The following TRIM37 variants were observed in gnomAD, a reference collection of about 807,000 sequenced individuals.
TRIM37 encodes tripartite motif containing 37.
In TRIM37, 80 loss-of-function variants were observed where a neutral mutation model predicts 129.8. That is an observed-to-expected ratio of 0.62 (90% confidence interval 0.51 to 0.74). TRIM37 has a LOEUF of 0.74. TRIM37 is among the 30% of genes least tolerant of loss of function. TRIM37 has a pLI of 0.00. For missense variants in TRIM37, 1,054 were observed against 1,176.5 expected (o/e 0.90, Z 1.52); for synonymous variants, 389 against 387.1 (o/e 1.00, Z -0.06).
At chr17:58,985,869 A>AG (rs772727729) in intron 24 of TRIM37, among the ~76,000 whole-genome samples, 22 of 152,254 alleles carry the variant, frequency 1.4e-4, no homozygotes, top group Middle Eastern at 6.8e-3. Flanking sequence ...TGAACAATTG[A>AG]GAAAAAAAAG....
chr17:59,001,301 G>A (rs1389851933), intron 23 of TRIM37, among the ~76,000 whole-genome samples: 2 of 151,708 alleles, frequency 1.3e-5, no homozygotes, highest in Non-Finnish European at 2.9e-5. Context: ...CCATTCTCAG[G>A]TCACAGACTA....
chr17:59,091,205 G>T, intron 3 of TRIM37, 95 bp downstream of exon 3: 1 of 782,374 alleles, frequency 1.3e-6, no homozygotes, highest in Non-Finnish European at 2.1e-6. Context: ...GAAGAGAAAT[G>T]GGCAGACTGC....
chr17:59,028,527 A>C lies in TRIM37; in HGVS notation c.2145T>G (p.Ser715=), dbSNP rs747270729. The C allele has an allele frequency of 6.2e-7, 1 of 1,614,246 alleles. No homozygotes were observed. Among genetic ancestry groups the C allele is most frequent in the South Asian group, 1.1e-5 (1 of 91,090 alleles). The change falls in exon 19 of 24, where the codon TCT becomes TCG. Residue 715 remains serine, a synonymous_variant. Transcript: ENST00000262294. ...ATGCAGCCAGAGCTGCCTGGTCAGC[A>C]GAAAAAAGGCTTGTCTGCATGTCTC... ...ASGDMQTSLF[S]ADQAALAACG... is the part of the protein sequence containing the mutation.
intron 17 of TRIM37, among the ~76,000 whole-genome samples, chr17:59,037,015 T>C (rs2038592521): frequency 6.6e-6 from 1 of 151,840 alleles, no homozygotes; most frequent in Non-Finnish European, 1.5e-5. Flanking sequence ...CCTGGGAGGC[T>C]GAGGTAAGAG....
chr17:59,080,676 A>T (rs2043179626), intron 6 of TRIM37, among the ~76,000 whole-genome samples: 1 of 152,170 alleles, frequency 6.6e-6, no homozygotes, highest in African/African-American at 2.4e-5. Context: ...CTGTAATCCC[A>T]GCTACTTGGG....
rs1283887622 is a variant in TRIM37 at position 59,047,827 on chromosome 17, A to G, written c.1531-8T>C. On this transcript the variant is annotated splice_polypyrimidine_tract_variant and splice_region_variant and intron_variant, in intron 15 of 23. Transcript: ENST00000262294. ...TCCATCTGAAAGCTCGTGCTAGATC[A>G]ATGCCAAGAAAACAAGACGTCTATT... The G allele has an allele frequency of 1.9e-6, 3 of 1,613,826 alleles. No individual in the cohort carries two copies. Among genetic ancestry groups the G allele is most frequent in the Non-Finnish European group, 1.7e-6 (2 of 1,180,008 alleles).
downstream of TRIM37, chr17:58,981,012 G>T (rs200685038): frequency 2.5e-5 from 40 of 1,599,698 alleles, no homozygotes; most frequent in Non-Finnish European, 3.4e-5. Context: ...GATCTTCCTT[G>T]GAGCTATAAA....
intron 2 of TRIM37, among the ~76,000 whole-genome samples, chr17:59,091,781 G>A (rs1001483779): frequency 1.3e-5 from 2 of 150,556 alleles, no homozygotes; most frequent in Non-Finnish European, 2.9e-5. Context: ...AACTTTTGAA[G>A]GGACAAAACT....
In TRIM37 at chr17:59,091,503, A is replaced by G. The variant is rs1386367480; in HGVS notation, c.124-163T>C. ...TATAATATATAATATATTATTATAT[A>G]ACATATCATATATATATAATGTATA... On this transcript the variant is annotated intron_variant, in intron 2 of 23. Transcript: ENST00000262294. 9.8e-5 allele frequency among the ~76,000 whole-genome samples: 10 copies of G among 102,134 alleles called. 1 individual carries two copies. The highest frequency in any genetic ancestry group is 3.9e-4 in the African/African-American group (10 of 25,382). 67.0% of individuals were successfully genotyped at this position (102,134 alleles called of 152,430 possible). A position where few individuals can be genotyped will look rare whatever the true frequency, so the allele number is the denominator to read the frequency against.
intron 15 of TRIM37, 139 bp from the exon 16 acceptor site, chr17:59,047,958 T>A (rs1044750832): frequency 2.1e-6 from 2 of 967,468 alleles, no homozygotes; most frequent in Non-Finnish European, 3.2e-6. Flanking sequence ...CCTCAGCTGC[T>A]GAGCCCTGTA....
In TRIM37 at chr17:59,105,483, C is replaced by T. The variant is rs141110965; in HGVS notation, c.21+958G>A. Among the ~76,000 whole-genome samples the T allele has an allele frequency of 2.8e-4, 43 of 152,232 alleles. No homozygotes were observed. In the East Asian group the frequency reaches 8.1e-3, roughly 29 times the overall value. On this transcript the variant is annotated intron_variant, in intron 1 of 23. Transcript: ENST00000262294. ...TAGGAAGTAACTGAAAAGTTTTTAA[C>T]AAGAAAAAGGATACAATTAAACGTA...
At chr17:58,979,967 C>A (rs780534292), downstream of TRIM37, 6 of 1,605,306 alleles carry the variant, frequency 3.7e-6, no homozygotes, top group Non-Finnish European at 5.1e-6. Flanking sequence ...CACTCTGCTT[C>A]CCGCAGGAGA....
At chr17:59,035,387 T>C (rs2038349111) in intron 17 of TRIM37, among the ~76,000 whole-genome samples, 1 of 152,144 alleles carries the variant, frequency 6.6e-6, no homozygotes, top group Non-Finnish European at 1.5e-5. Flanking sequence ...CATCCATTTA[T>C]GAATATATCC....
the TRIM37 span, among the ~76,000 whole-genome samples, chr17:58,968,335 T>C: frequency 6.6e-6 from 1 of 152,166 alleles, no homozygotes. Context: ...TGAGGCGGGA[T>C]GATCCTTTGA....
intron 1 of TRIM37, among the ~76,000 whole-genome samples, chr17:59,104,892 G>A (rs1369702869): frequency 6.6e-6 from 1 of 152,044 alleles, no homozygotes; most frequent in Non-Finnish European, 1.5e-5. Flanking sequence ...GGGAGTTCGA[G>A]ACCAACCTGG....
intron 19 of TRIM37, 68 bp downstream of exon 19, chr17:59,028,347 T>C (rs1265796356): frequency 1.4e-6 from 2 of 1,468,342 alleles, no homozygotes; most frequent in African/African-American, 2.8e-5. Context: ...ATTATTCTTT[T>C]GAAAAAACCA....
chr17:59,068,753 G>A (rs1420748617), intron 9 of TRIM37, among the ~76,000 whole-genome samples: 1 of 152,202 alleles, frequency 6.6e-6, no homozygotes, highest in African/African-American at 2.4e-5. Flanking sequence ...AACCACTGGA[G>A]TTCTAGCTGT....
intron 8 of TRIM37, among the ~76,000 whole-genome samples, chr17:59,072,367 T>C (rs1298733070): frequency 6.6e-6 from 1 of 152,188 alleles, no homozygotes; most frequent in African/African-American, 2.4e-5. Flanking sequence ...ATGAATGATA[T>C]TCATAAACCC....
At chr17:59,003,978 C>T (rs976065516) in intron 22 of TRIM37, among the ~76,000 whole-genome samples, 6 of 149,042 alleles carry the variant, frequency 4.0e-5, no homozygotes, top group African/African-American at 1.5e-4. Flanking sequence ...CATTGGTGTG[C>T]ACCTGTAATT....
Sources: gnomAD v4.1 joint callset for allele counts (sites outside exome capture counted in the v4.1 genomes callset) on GRCh38, gnomAD v4.1.1 for gene constraint, MANE v1.5 for transcripts, NCBI Gene and HGNC (gene_info 2026-07-23, HGNC 2026-07-21) for gene names.